The following FAM229A variants were observed in gnomAD, a reference collection of about 807,000 sequenced individuals.
FAM229A encodes protein FAM229A.
A neutral mutation model predicts 10.0 loss-of-function variants in FAM229A; 9 were observed. The ratio of observed to expected loss-of-function variants is 0.90; its 90% CI spans 0.54 to 1.56. The LOEUF is 1.56. Ranked by LOEUF, FAM229A falls within the 40% of genes most tolerant of loss-of-function variation. The pLI, the probability that FAM229A is intolerant of heterozygous loss-of-function variation, is 0.00. For missense variants in FAM229A, 196 were observed against 197.6 expected (o/e 0.99, Z 0.05); for synonymous variants, 93 against 90.1 (o/e 1.03, Z -0.19).
In FAM229A at chr1:32,362,230, A is replaced by AG. The variant is rs1402812600; in HGVS notation, c.-140dup. 2 of 1,189,120 alleles carry AG rather than the reference A, an allele frequency of 1.7e-6. No homozygotes were observed. The highest frequency in any genetic ancestry group is 1.1e-6 in the Non-Finnish European group (1 of 935,458). 73.7% of individuals were successfully genotyped at this position (1,189,120 alleles called of 1,614,324 possible). Reference sequence around the variant, plus strand: ...GGAGGCCTCTGGCCATGGCGCCTGGAGACGGGGTCGCGCAGACCCCGGACA... The same window carrying AG: ...GGAGGCCTCTGGCCATGGCGCCTGGAGGACGGGGTCGCGCAGACCCCGGACA... On this transcript the variant is annotated 5_prime_UTR_variant, in exon 1 of 3. It removes the in-frame stop codon of an upstream open reading frame in the 5' UTR. Coordinates refer to ENST00000432622, the MANE Select transcript of FAM229A (RefSeq NM_001167676.2).
chr1:32,362,484 C>A lies in FAM229A; in HGVS notation c.-393G>T. On this transcript the variant is annotated 5_prime_UTR_variant, in exon 1 of 3. Coordinates refer to ENST00000432622, the MANE Select transcript of FAM229A (RefSeq NM_001167676.2). ...CCCATTTTGGCCAAGGGTCACACAGCATCTACATCACAATTGCACCGGAGT... is the reference window on the plus strand; with the variant it reads ...CCCATTTTGGCCAAGGGTCACACAGAATCTACATCACAATTGCACCGGAGT... 1.7e-6 allele frequency: 1 copy of A among 596,178 alleles called. No individual in the cohort carries two copies. Among genetic ancestry groups the A allele is most frequent in the Non-Finnish European group, 2.9e-6 (1 of 343,970 alleles). The allele number at this position is 596,178 out of a possible 1,614,324, so 36.9% of individuals were successfully genotyped here.
At position 32,361,451 on chromosome 1, in the gene FAM229A, G is replaced by C; in HGVS notation, c.366C>G (p.Pro122=). 1 of 1,361,762 alleles carries C rather than the reference G, an allele frequency of 7.3e-7. No homozygotes were observed. Among genetic ancestry groups the C allele is most frequent in the Non-Finnish European group, 9.5e-7 (1 of 1,056,102 alleles). 84.4% of individuals were successfully genotyped at this position (1,361,762 alleles called of 1,614,324 possible). A position where few individuals can be genotyped will look rare whatever the true frequency, so the allele number is the denominator to read the frequency against. ...GGCGCACTCACGTGGCGCGGGCCCG[G>C]GGGCTCCCGCCCATGGCGAGGTAGA... ...IDVYLAMGGS[P]RARAT The change falls in exon 3 of 3, where the codon CCC becomes CCG. Residue 122 remains proline, a synonymous_variant. Coordinates refer to ENST00000432622, the MANE Select transcript of FAM229A (RefSeq NM_001167676.2).
Position 32,361,372 on chromosome 1 carries a change from G to T in FAM229A, c.*61C>A. On this transcript the variant is annotated 3_prime_UTR_variant, in exon 3 of 3. Coordinates refer to ENST00000432622, the MANE Select transcript of FAM229A (RefSeq NM_001167676.2). ...GCTCGGCGCATGCGACCTCAGCGTG[G>T]TGGCCCGCTGGGGGCCTCGTTCCCG... 5.5e-6 allele frequency: 5 copies of T among 911,338 alleles called. No homozygotes were observed. The South Asian group carries it at 1.7e-4, about 32-fold the overall frequency. The allele number at this position is 911,338 out of a possible 1,614,324, so 56.5% of individuals were successfully genotyped here. A position where few individuals can be genotyped will look rare whatever the true frequency, so the allele number is the denominator to read the frequency against.
Position 32,361,505 on chromosome 1 carries a change from G to T in FAM229A, c.312C>A (p.Cys104Ter). Residue 104 changes from cysteine to a stop codon, truncating the protein, a stop_gained, in exon 3 of 3, where the codon TGC becomes TGA. Transcript: ENST00000432622. LOFTEE classifies it high-confidence loss of function. ...CGATGGGCACGTGCAGCAGCGTCAG[G>T]CAGTGGCATCCAGGGCAGCGACGAA... ...RPLRRCPGCH[C>*]LTLLHVPIDV... is the part of the protein sequence containing the mutation. 7.3e-7 allele frequency: 1 copy of T among 1,374,222 alleles called. No individual in the cohort carries two copies. The highest frequency in any genetic ancestry group is 9.4e-7 in the Non-Finnish European group (1 of 1,063,554). The allele number at this position is 1,374,222 out of a possible 1,614,324, so 85.1% of individuals were successfully genotyped here. A position where few individuals can be genotyped will look rare whatever the true frequency, so the allele number is the denominator to read the frequency against.
Position 32,361,792 on chromosome 1 carries a change from A to G in FAM229A, c.219T>C (p.Leu73=). ...TGTCCTGGGACTCGGGGGCGGCGGC[A>G]AGGCCACGGGAGTCTCCGGCCTCAA... ...FPIEAGDSRG[L]AAAPESQDSP... The change falls in exon 2 of 3, where the codon CTT becomes CTC. Residue 73 remains leucine (L), a synonymous_variant. Transcript: ENST00000432622. 1.5e-6 allele frequency: 2 copies of G among 1,321,520 alleles called. No individual in the cohort carries two copies. The highest frequency in any genetic ancestry group is 2.0e-5 in the South Asian group (1 of 49,100). The allele number at this position is 1,321,520 out of a possible 1,614,324, so 81.9% of individuals were successfully genotyped here.
Position 32,361,308 on chromosome 1 carries a change from C to T in FAM229A, c.*125G>A. 1 of 460,086 alleles carries T rather than the reference C, an allele frequency of 2.2e-6. No individual in the cohort carries two copies. The highest frequency in any genetic ancestry group is 3.6e-6 in the Non-Finnish European group (1 of 279,908). The allele number at this position is 460,086 out of a possible 1,614,324, so 28.5% of individuals were successfully genotyped here. ...TTGTGCTGTGCTTTATTAAAATGTG[C>T]ATCATTCTTTTATTTTAAAATGTGC... On this transcript the variant is annotated 3_prime_UTR_variant, in exon 3 of 3. Coordinates refer to ENST00000432622, the MANE Select transcript of FAM229A (RefSeq NM_001167676.2).
rs779130015 is a variant in FAM229A at position 32,362,062 on chromosome 1, C to A, written c.30G>T (p.Gly10=). 57 of 1,433,412 alleles carry A rather than the reference C, an allele frequency of 4.0e-5. No individual in the cohort carries two copies. The highest frequency in any genetic ancestry group is 5.2e-5 in the Non-Finnish European group (57 of 1,099,016). 88.8% of individuals were successfully genotyped at this position (1,433,412 alleles called of 1,614,324 possible). A position where few individuals can be genotyped will look rare whatever the true frequency, so the allele number is the denominator to read the frequency against. ...GAGCCGGGCAGGTCTCTGTGGCGTGCCCGGGCCCGGGCGTCGAGGAGGGCA... is the reference window on the plus strand; with the variant it reads ...GAGCCGGGCAGGTCTCTGTGGCGTGACCGGGCCCGGGCGTCGAGGAGGGCA... MLPSSTPGP[G]HATETCPAPP... Residue 10 remains glycine, a synonymous_variant, in exon 1 of 3, where the codon GGG becomes GGT. Transcript: ENST00000432622.
chr1:32,361,752 C>G lies in FAM229A; in HGVS notation c.259G>C (p.Ala87Pro). 7.6e-7 allele frequency: 1 copy of G among 1,311,422 alleles called. No individual in the cohort carries two copies. The highest frequency in any genetic ancestry group is 9.7e-7 in the Non-Finnish European group (1 of 1,031,376). The allele number at this position is 1,311,422 out of a possible 1,614,324, so 81.2% of individuals were successfully genotyped here. ...TACCTGACCGGGTTGTGCTCCGTCG[C>G]TACCGCCTCCGGGCTGTCCTGGGAC... ...PESQDSPEAV[A>P]TEHNPVRPLR... is the part of the protein sequence containing the mutation. Residue 87 changes from alanine to proline, a missense_variant, in exon 2 of 3, where the codon GCG (alanine) becomes CCG (proline). Ala to Pro is a conservative substitution (Grantham distance 27). Coordinates refer to ENST00000432622, the MANE Select transcript of FAM229A (RefSeq NM_001167676.2).
chr1:32,361,721 G>C lies in FAM229A; in HGVS notation c.281+9C>G. 7.7e-7 allele frequency: 1 copy of C among 1,302,610 alleles called. No individual in the cohort carries two copies. The highest frequency in any genetic ancestry group is 9.7e-7 in the Non-Finnish European group (1 of 1,026,504). 80.7% of individuals were successfully genotyped at this position (1,302,610 alleles called of 1,614,324 possible). A position where few individuals can be genotyped will look rare whatever the true frequency, so the allele number is the denominator to read the frequency against. ...ACGGGCGGAGGCGGGGGTGGGGCGC[G>C]GGCCTTACCTGACCGGGTTGTGCTC... On this transcript the variant is annotated intron_variant, in intron 2 of 2. Coordinates refer to ENST00000432622, the MANE Select transcript of FAM229A (RefSeq NM_001167676.2).
rs1196394444 is a variant in FAM229A at position 32,361,520 on chromosome 1, G to A, written c.297C>T (p.Cys99=). 3 of 1,362,834 alleles carry A rather than the reference G, an allele frequency of 2.2e-6. No individual in the cohort carries two copies. The highest frequency in any genetic ancestry group is 6.2e-5 in the East Asian group (2 of 32,304). The allele number at this position is 1,362,834 out of a possible 1,614,324, so 84.4% of individuals were successfully genotyped here. Residue 99 remains cysteine, a synonymous_variant, in exon 3 of 3, where the codon TGC becomes TGT. Transcript: ENST00000432622. ...GCAGCGTCAGGCAGTGGCATCCAGG[G>A]CAGCGACGAAGCGGCCTGGGGAAAT... ...EHNPVRPLRR[C]PGCHCLTLLH...
chr1:32,362,381 C>T lies in FAM229A; in HGVS notation c.-290G>A, dbSNP rs1641719372. 2.1e-6 allele frequency: 1 copy of T among 476,356 alleles called. No homozygotes were observed. The highest frequency in any genetic ancestry group is 2.0e-5 in the African/African-American group (1 of 50,944). 29.5% of individuals were successfully genotyped at this position (476,356 alleles called of 1,614,324 possible). On this transcript the variant is annotated 5_prime_UTR_variant, in exon 1 of 3. Coordinates refer to ENST00000432622, the MANE Select transcript of FAM229A (RefSeq NM_001167676.2). The stretch of plus-strand genomic sequence containing the variant: ...CCCAGGCGGGACTACAACTCAATGC[C>T]TGGCACGGGGGCGGGCTCGGCGGTG...
Position 32,362,214 on chromosome 1 carries a change from T to G in FAM229A, c.-123A>C. 2.4e-6 allele frequency: 3 copies of G among 1,224,866 alleles called. No individual in the cohort carries two copies. The highest frequency in any genetic ancestry group is 1.6e-5 in the African/African-American group (1 of 63,514). 75.9% of individuals were successfully genotyped at this position (1,224,866 alleles called of 1,614,324 possible). A position where few individuals can be genotyped will look rare whatever the true frequency, so the allele number is the denominator to read the frequency against. On this transcript the variant is annotated 5_prime_UTR_variant, in exon 1 of 3. Transcript: ENST00000432622. ...GCCAGAATCGGGGACTGGAGGCCTC[T>G]GGCCATGGCGCCTGGAGACGGGGTC...
rs1641718982 is a variant in FAM229A, at chr1:32,362,362, C to A, written c.-271G>T. 6.4e-6 allele frequency: 3 copies of A among 468,628 alleles called. No homozygotes were observed. Among genetic ancestry groups the A allele is most frequent in the East Asian group, 6.8e-5 (2 of 29,262 alleles). 29.0% of individuals were successfully genotyped at this position (468,628 alleles called of 1,614,324 possible). On this transcript the variant is annotated 5_prime_UTR_variant, in exon 1 of 3. Transcript: ENST00000432622. ...AGACGCGGCGGAGCGCCCTCCCAGG[C>A]GGGACTACAACTCAATGCCTGGCAC...
Position 32,361,534 on chromosome 1 carries a change from G to A in FAM229A, c.283C>T (p.Pro95Ser). Residue 95 changes from proline (P) to serine (S), a missense_variant and splice_region_variant, in exon 3 of 3, where the codon CCG (proline) becomes TCG (serine). By Grantham distance (74) the Pro-to-Ser change is moderately conservative. Coordinates refer to ENST00000432622, the MANE Select transcript of FAM229A (RefSeq NM_001167676.2). The part of the protein sequence containing the change: ...AVATEHNPVR[P>S]LRRCPGCHCL... ...TGGCATCCAGGGCAGCGACGAAGCG[G>A]CCTGGGGAAATTGACGCGCGACAGG... is the stretch of plus-strand genomic sequence containing the variant. 1 of 1,346,560 alleles carries A rather than the reference G, an allele frequency of 7.4e-7. No individual in the cohort carries two copies. 83.4% of individuals were successfully genotyped at this position (1,346,560 alleles called of 1,614,324 possible). A position where few individuals can be genotyped will look rare whatever the true frequency, so the allele number is the denominator to read the frequency against.
rs1481603204 is a variant in FAM229A, at chr1:32,361,545, T to C, written c.282-10A>G. ...GCAGCGACGAAGCGGCCTGGGGAAA[T>C]TGACGCGCGACAGGGGCCGCTGAGG... On this transcript the variant is annotated splice_polypyrimidine_tract_variant and intron_variant, in intron 2 of 2. Transcript: ENST00000432622. 3.8e-6 allele frequency: 5 copies of C among 1,332,180 alleles called. No individual in the cohort carries two copies. In the African/African-American group the frequency reaches 4.6e-5, roughly 12 times the overall value. The allele number at this position is 1,332,180 out of a possible 1,614,324, so 82.5% of individuals were successfully genotyped here.
rs1008974436 is a variant in FAM229A, at chr1:32,361,425, A to C, written c.*8T>G. 1.5e-6 allele frequency: 2 copies of C among 1,316,590 alleles called. No homozygotes were observed. Among genetic ancestry groups the C allele is most frequent in the African/African-American group, 1.5e-5 (1 of 64,754 alleles). The allele number at this position is 1,316,590 out of a possible 1,614,324, so 81.6% of individuals were successfully genotyped here. On this transcript the variant is annotated 3_prime_UTR_variant, in exon 3 of 3. Transcript: ENST00000432622. ...CAGCTCCCGCGGAGCCGCAGGGAGCAGGCGCACTCACGTGGCGCGGGCCCG... is the reference window on the plus strand; with the variant it reads ...CAGCTCCCGCGGAGCCGCAGGGAGCCGGCGCACTCACGTGGCGCGGGCCCG...
At position 32,361,852 on chromosome 1, in the gene FAM229A, G is replaced by A. The variant is rs1364122266; in HGVS notation, c.159C>T (p.Ser53=). The change falls in exon 2 of 3, where the codon AGC becomes AGT. Residue 53 remains serine, a synonymous_variant. Coordinates refer to ENST00000432622, the MANE Select transcript of FAM229A (RefSeq NM_001167676.2). ...TCCGACCCTGCGGGGGCTCCTGGGC[G>A]CTCATGTCCAAGCCCCGGGGCGCTC... The part of the protein sequence containing the change: ...AGRAPRGLDM[S]AQEPPQGRRF... 3.0e-6 allele frequency: 4 copies of A among 1,337,510 alleles called. No homozygotes were observed. Among genetic ancestry groups the A allele is most frequent in the Non-Finnish European group, 3.8e-6 (4 of 1,048,070 alleles). 82.9% of individuals were successfully genotyped at this position (1,337,510 alleles called of 1,614,324 possible).
chr1:32,361,459 C>T lies in FAM229A; in HGVS notation c.358G>A (p.Gly120Arg). 1.5e-6 allele frequency: 2 copies of T among 1,369,064 alleles called. No homozygotes were observed. Among genetic ancestry groups the T allele is most frequent in the Non-Finnish European group, 1.9e-6 (2 of 1,059,812 alleles). The allele number at this position is 1,369,064 out of a possible 1,614,324, so 84.8% of individuals were successfully genotyped here. ...CACGTGGCGCGGGCCCGGGGGCTCCCGCCCATGGCGAGGTAGACGTCGATG... is the reference window on the plus strand; with the variant it reads ...CACGTGGCGCGGGCCCGGGGGCTCCTGCCCATGGCGAGGTAGACGTCGATG... ...VPIDVYLAMGGSPRARAT is the reference protein window; with the variant it reads ...VPIDVYLAMGRSPRARAT The change falls in exon 3 of 3, where the codon GGG becomes AGG. Residue 120 changes from glycine (G) to arginine (R), a missense_variant. Coordinates refer to ENST00000432622, the MANE Select transcript of FAM229A (RefSeq NM_001167676.2).
chr1:32,362,005 C>A lies in FAM229A; in HGVS notation c.87G>T (p.Arg29Ser), dbSNP rs1037902489. 8 of 1,485,296 alleles carry A rather than the reference C, an allele frequency of 5.4e-6. No individual in the cohort carries two copies. Among genetic ancestry groups the A allele is most frequent in the Non-Finnish European group, 7.1e-6 (8 of 1,125,230 alleles). The allele number at this position is 1,485,296 out of a possible 1,614,324, so 92.0% of individuals were successfully genotyped here. The change falls in exon 1 of 3, where the codon AGG becomes AGT. Residue 29 changes from arginine (R) to serine (S), a missense_variant. Arg to Ser is a moderately radical substitution (Grantham distance 110). Transcript: ENST00000432622. ...PPGPERSPAA[R>S]APAAASSLGP... is the part of the protein sequence containing the mutation. ...CCAGGCTAGAAGCAGCTGCCGGAGC[C>A]CTGGCCGCGGGAGAACGCTCCGGTC...
Sources: allele counts gnomAD v4.1 joint callset, GRCh38; gene constraint gnomAD v4.1.1; transcripts MANE v1.5; gene names NCBI Gene and HGNC (gene_info 2026-07-23, HGNC 2026-07-21).